MARCHF8: variants seen among roughly 807,000 people sequenced by gnomAD.
MARCHF8 encodes the protein membrane associated ring-CH-type finger 8.
In MARCHF8, 40 loss-of-function variants were observed where a neutral mutation model predicts 51.6. The observed-to-expected ratio is 0.77, with a 90% CI of 0.60 to 1.01. The LOEUF is 1.01. MARCHF8 is among the 50% of genes least tolerant of loss of function. MARCHF8 has a pLI of 0.00. For missense variants in MARCHF8, 685 were observed against 708.6 expected, an observed-to-expected ratio of 0.97 and a Z score of 0.38; for synonymous variants, 263 against 280.3, an observed-to-expected ratio of 0.94 and a Z score of 0.62.
chr10:45,557,285 C>T (rs1487345819), intron 1 of MARCHF8, among the ~76,000 whole-genome samples: 1 of 151,738 alleles, frequency 6.6e-6, no homozygotes, highest in Non-Finnish European at 1.5e-5. Flanking sequence ...TGCGCCATCA[C>T]GCCTGGCTAA....
chr10:45,555,743 CAA>C (rs34811393), intron 1 of MARCHF8, among the ~76,000 whole-genome samples: 29 of 96,060 alleles, frequency 3.0e-4, no homozygotes, highest in Admixed American at 5.9e-4. Context: ...GACCCTGTCT[CAA>C]AAAAAAAAAA....
intron 2 of MARCHF8, among the ~76,000 whole-genome samples, chr10:45,524,154 G>A (rs2043753771): frequency 6.6e-6 from 1 of 152,144 alleles, no homozygotes; most frequent in South Asian, 2.1e-4. Context: ...TGAATTTAAT[G>A]TTTTATAACA....
upstream of MARCHF8, among the ~76,000 whole-genome samples, chr10:45,536,845 A>AATAATAATC (rs2043977733): frequency 7.7e-6 from 1 of 129,462 alleles, no homozygotes; most frequent in South Asian, 2.3e-4. Flanking sequence ...AAATAATAAT[A>AATAATAATC]ATAATAATAA....
intron 1 of MARCHF8, among the ~76,000 whole-genome samples, chr10:45,534,861 A>C (rs1367854063): frequency 6.6e-6 from 1 of 152,196 alleles, no homozygotes; most frequent in Non-Finnish European, 1.5e-5. Flanking sequence ...TAGTAGTGTC[A>C]CTAAGCAAGC....
intron 7 of MARCHF8, 151 bp downstream of exon 7, chr10:45,458,969 G>T: frequency 3.2e-6 from 3 of 937,618 alleles, no homozygotes; most frequent in Non-Finnish European, 4.8e-6. Flanking sequence ...CACAGCAAAA[G>T]AAATGCCAAA....
chr10:45,578,269 T>C (rs1235570161), intron 1 of MARCHF8, among the ~76,000 whole-genome samples: 1 of 152,130 alleles, frequency 6.6e-6, no homozygotes. Flanking sequence ...GATCATCTTG[T>C]TGCACCAGAA....
At chr10:45,578,675 A>G (rs947980582) in intron 1 of MARCHF8, among the ~76,000 whole-genome samples, 1 of 152,218 alleles carries the variant, frequency 6.6e-6, no homozygotes, top group Admixed American at 6.5e-5. Context: ...GCAGATACCA[A>G]CTAAACCAAC....
chr10:45,458,301 C>A lies in MARCHF8; in HGVS notation c.1660G>T (p.Asp554Tyr). 6.2e-7 allele frequency: 1 copy of A among 1,614,028 alleles called. No individual in the cohort carries two copies. ...TCTGTGCAACAAGAAGAGTTTGTGTCGGAATGACAGATTCCATATCCATGT... is the reference window on the plus strand; with the variant it reads ...TCTGTGCAACAAGAAGAGTTTGTGTAGGAATGACAGATTCCATATCCATGT... ...NKHGYGICHS[D>Y]TNSSCCTEPE... The change falls in exon 8 of 8, where the codon GAC becomes TAC. Residue 554 changes from aspartate to tyrosine, a missense_variant. Physicochemically the swap from Asp to Tyr is radical, Grantham distance 160. Coordinates refer to ENST00000453424, the MANE Select transcript of MARCHF8 (RefSeq NM_001282866.2).
intron 3 of MARCHF8, among the ~76,000 whole-genome samples, chr10:45,487,913 G>C (rs1162716197): frequency 1.3e-5 from 2 of 152,006 alleles, no homozygotes; most frequent in Admixed American, 1.3e-4. Context: ...CCTCCCAGCT[G>C]AATCTGTGGT....
intron 1 of MARCHF8, among the ~76,000 whole-genome samples, chr10:45,565,341 G>A (rs1477118896): frequency 2.6e-5 from 4 of 152,078 alleles, no homozygotes; most frequent in South Asian, 4.2e-4. Context: ...TGAGATAGGA[G>A]GATCGCTTGA....
chr10:45,539,184 A>G (rs147996111), upstream of MARCHF8, among the ~76,000 whole-genome samples: 3,758 of 152,302 alleles, frequency 0.025, 158 homozygotes, highest in African/African-American at 0.085. Context: ...CCACTCAACT[A>G]CATGGAAACT....
At chr10:45,561,900 CAAA>C (rs34329041) in intron 1 of MARCHF8, among the ~76,000 whole-genome samples, 5,352 of 41,050 alleles carry the variant, frequency 0.13, 74 homozygotes, top group African/African-American at 0.16. Flanking sequence ...GACTCCGTCT[CAAA>C]AAAAAAAAAA....
At chr10:45,539,635 GA>G (rs1410744869), upstream of MARCHF8, among the ~76,000 whole-genome samples, 4 of 152,102 alleles carry the variant, frequency 2.6e-5, no homozygotes, top group African/African-American at 9.7e-5. Flanking sequence ...TGACAAAGGG[GA>G]TATCACCACT....
chr10:45,523,654 AAG>A (rs2133243972), intron 2 of MARCHF8, among the ~76,000 whole-genome samples: 1 of 152,384 alleles, frequency 6.6e-6, no homozygotes, highest in East Asian at 1.9e-4. Flanking sequence ...GGACAGCTAT[AAG>A]AGAGTAGTGA....
intron 2 of MARCHF8, among the ~76,000 whole-genome samples, chr10:45,525,041 T>C (rs1006298881): frequency 6.6e-6 from 1 of 152,214 alleles, no homozygotes; most frequent in African/African-American, 2.4e-5. Flanking sequence ...ATTTATCTAA[T>C]AGAGAAAAGA....
chr10:45,459,654 A>G (rs890505648), intron 6 of MARCHF8: 2 of 950,368 alleles, frequency 2.1e-6, no homozygotes. Flanking sequence ...GGCATGGACG[A>G]GCGGAAGAAG....
chr10:45,523,396 T>C (rs1423301103), intron 2 of MARCHF8, among the ~76,000 whole-genome samples: 3 of 152,154 alleles, frequency 2.0e-5, no homozygotes, highest in Non-Finnish European at 4.4e-5. Flanking sequence ...TGATGGTGTA[T>C]GCCTATAGTC....
chr10:45,458,450 T>A lies in MARCHF8; in HGVS notation c.1511A>T (p.Tyr504Phe). The change falls in exon 8 of 8, where the codon TAT becomes TTT. Residue 504 changes from tyrosine to phenylalanine, a missense_variant. Transcript: ENST00000453424. ...LLFMYVQCKV[Y>F]VQLWKRLKAY... ...CTTGAGTCTCTTCCACAATTGCACA[T>A]ACACTTTACACTGAACATACATAAA... is the stretch of plus-strand genomic sequence containing the variant. The A allele has an allele frequency of 6.2e-7, 1 of 1,614,126 alleles. No individual in the cohort carries two copies. The highest frequency in any genetic ancestry group is 8.5e-7 in the Non-Finnish European group (1 of 1,180,012).
chr10:45,588,813 A>G (rs957897595), intron 1 of MARCHF8, among the ~76,000 whole-genome samples: 1 of 152,082 alleles, frequency 6.6e-6, no homozygotes, highest in Admixed American at 6.6e-5. Flanking sequence ...CCTGGCTAAC[A>G]CAGTGAAACC....
Sources: allele counts gnomAD v4.1 joint callset (sites outside exome capture counted in the v4.1 genomes callset), GRCh38; gene constraint gnomAD v4.1.1; transcripts MANE v1.5; gene names NCBI Gene and HGNC (gene_info 2026-07-23, HGNC 2026-07-21).